KAT6B: variants seen among roughly 807,000 people sequenced by gnomAD.
KAT6B encodes the protein lysine acetyltransferase 6B.
In KAT6B, 10 loss-of-function variants were observed where a neutral mutation model predicts 187.5. That is an observed-to-expected ratio of 0.05 (90% CI 0.03 to 0.09). The LOEUF is 0.09. Ranked by LOEUF, KAT6B falls within the 10% of genes least tolerant of loss-of-function variation. The probability of loss-of-function intolerance (pLI) is 1.00; values close to 1 mark genes in which losing one functional copy is unlikely to be tolerated. For synonymous variants in KAT6B, 861 were observed against 926.8 expected (o/e 0.93, Z 1.29); for missense variants, 1,952 against 2,558.9 (o/e 0.76, Z 5.12).
chr10:74,934,111 G>A (rs908738956), intron 3 of KAT6B, among the ~76,000 whole-genome samples: 11 of 150,784 alleles, frequency 7.3e-5, no homozygotes, highest in Middle Eastern at 3.2e-3. Flanking sequence ...GCTTGAACCT[G>A]GGAGGCGGAG....
intron 3 of KAT6B, among the ~76,000 whole-genome samples, chr10:74,955,649 A>T (rs1057441725): frequency 6.6e-6 from 1 of 151,988 alleles, no homozygotes; most frequent in Non-Finnish European, 1.5e-5. Context: ...ATTTCAACAT[A>T]AAGACATCAT....
chr10:74,866,817 A>G (rs955520587), intron 3 of KAT6B, among the ~76,000 whole-genome samples: 2 of 152,190 alleles, frequency 1.3e-5, no homozygotes, highest in Admixed American at 6.5e-5. Context: ...CTTAATGGGA[A>G]GGTATGAAAG....
Position 74,885,248 on chromosome 10 carries a change from A to AT in KAT6B, c.621+41774dup, listed in dbSNP as rs1309064719. Among the ~76,000 whole-genome samples, 5 of 151,458 alleles carry AT rather than the reference A, an allele frequency of 3.3e-5. No individual in the cohort carries two copies. In the East Asian group the frequency reaches 7.9e-4, roughly 24 times the overall value. Reference sequence around the variant, plus strand: ...ATACCTGGCTAATTAAAAAAAAAAAATTTTGTAGATATGGGGTCTCTCTAT... The same window carrying AT: ...ATACCTGGCTAATTAAAAAAAAAAAATTTTTGTAGATATGGGGTCTCTCTAT... On this transcript the variant is annotated intron_variant, in intron 3 of 17. Coordinates refer to ENST00000287239, the MANE Select transcript of KAT6B (RefSeq NM_012330.4).
At chr10:74,876,806 G>A (rs1844447689) in intron 3 of KAT6B, among the ~76,000 whole-genome samples, 1 of 151,822 alleles carries the variant, frequency 6.6e-6, no homozygotes, top group Admixed American at 6.6e-5. Context: ...TCAGCTACTC[G>A]GGAGGCTGAG....
chr10:74,911,254 TTAGTC>T (rs1464997110), intron 3 of KAT6B, among the ~76,000 whole-genome samples: 2 of 151,978 alleles, frequency 1.3e-5, no homozygotes, highest in Non-Finnish European at 2.9e-5. Context: ...ACTTTAAACC[TTAGTC>T]TACTTTCTTT....
Position 75,030,757 on chromosome 10 carries a change from A to G in KAT6B, c.5933A>G (p.Asn1978Ser), listed in dbSNP as rs747675518. The G allele has an allele frequency of 1.4e-5, 23 of 1,614,044 alleles. No homozygotes were observed. The highest frequency in any genetic ancestry group is 8.8e-5 in the South Asian group (8 of 91,086). Reference sequence around the variant, plus strand: ...AACCTGATGCCAGCGCCAGCCTACAATGTCAACTCTGTGAACATGAACATG... The same window carrying G: ...AACCTGATGCCAGCGCCAGCCTACAGTGTCAACTCTGTGAACATGAACATG... ...SVNLMPAPAY[N>S]VNSVNMNMNT... Residue 1978 changes from asparagine to serine, a missense_variant, in exon 18 of 18, where the codon AAT becomes AGT. By Grantham distance (46) the Asn-to-Ser change is conservative. This residue lies in a region of KAT6B where 358 missense variants were observed against 436.3 expected (regional missense o/e 0.82). Transcript: ENST00000287239. The surrounding 1 kb of genome is among the most constrained non-coding windows in gnomAD (Gnocchi z 4.8).
intron 3 of KAT6B, among the ~76,000 whole-genome samples, chr10:74,888,059 C>T (rs937278040): frequency 5.9e-5 from 9 of 152,176 alleles, no homozygotes; most frequent in African/African-American, 1.7e-4. Context: ...CTGACACCTG[C>T]CTCTTTCAGA....
intron 10 of KAT6B, among the ~76,000 whole-genome samples, chr10:74,980,394 G>A (rs984826584): frequency 6.6e-6 from 1 of 151,780 alleles, no homozygotes; most frequent in Non-Finnish European, 1.5e-5. Context: ...TTTTTCGTTA[G>A]CATGTGAGTG....
chr10:74,978,232 C>T (rs1229262401), intron 9 of KAT6B, among the ~76,000 whole-genome samples: 1 of 152,200 alleles, frequency 6.6e-6, no homozygotes, highest in Admixed American at 6.5e-5. Flanking sequence ...ATTTCCAACC[C>T]TCATTCTGCC....
chr10:74,915,925 G>C (rs543057536), intron 3 of KAT6B, among the ~76,000 whole-genome samples: 1 of 152,264 alleles, frequency 6.6e-6, no homozygotes, highest in East Asian at 1.9e-4. Context: ...CCAGCTCTTT[G>C]GGAGGCCAAG....
intron 9 of KAT6B, among the ~76,000 whole-genome samples, chr10:74,978,365 T>C (rs1345987199): frequency 6.6e-6 from 1 of 152,182 alleles, no homozygotes; most frequent in African/African-American, 2.4e-5. Context: ...AGGTCAAAAC[T>C]CCTACGTTGA....
chr10:74,921,436 A>T (rs189763329), intron 3 of KAT6B, among the ~76,000 whole-genome samples: 6 of 152,228 alleles, frequency 3.9e-5, no homozygotes, highest in African/African-American at 1.4e-4. Context: ...TAAAGTATAG[A>T]TGTTTTTAAA....
At chr10:74,979,104 G>A (rs1014558893) in intron 9 of KAT6B, 120 bp from the exon 10 acceptor site, 3 of 717,150 alleles carry the variant, frequency 4.2e-6, no homozygotes, top group Non-Finnish European at 4.9e-6. Context: ...TTAAGGCCAT[G>A]CAAATTCACA....
chr10:74,909,038 T>C (rs1847002113), intron 3 of KAT6B, among the ~76,000 whole-genome samples: 1 of 152,148 alleles, frequency 6.6e-6, no homozygotes, highest in Non-Finnish European at 1.5e-5. Flanking sequence ...ACATGAGAAA[T>C]CTGAAAAGTA....
chr10:75,025,359 G>A, intron 17 of KAT6B, 110 bp downstream of exon 17: 1 of 1,051,014 alleles, frequency 9.5e-7, no homozygotes, highest in Non-Finnish European at 1.4e-6. Context: ...AAGTGGTGCT[G>A]ATGCACCTGG....
intron 17 of KAT6B, among the ~76,000 whole-genome samples, chr10:75,026,644 C>A (rs61862640): frequency 2.0e-5 from 3 of 150,726 alleles, no homozygotes; most frequent in Admixed American, 6.6e-5. Flanking sequence ...TTTTTTTAAA[C>A]AAATAACAAA....
intron 3 of KAT6B, among the ~76,000 whole-genome samples, chr10:74,890,747 C>T (rs1845592361): frequency 6.6e-6 from 1 of 152,150 alleles, no homozygotes; most frequent in African/African-American, 2.4e-5. Context: ...TACATTTAAT[C>T]TTTTGGTTAC....
At chr10:74,866,624 G>A (rs957601535) in intron 3 of KAT6B, among the ~76,000 whole-genome samples, 1 of 152,050 alleles carries the variant, frequency 6.6e-6, no homozygotes, top group Non-Finnish European at 1.5e-5. Flanking sequence ...ATTGTAAGTG[G>A]AAAACAAGCA....
chr10:74,837,901 G>A (rs1841427544), intron 1 of KAT6B, among the ~76,000 whole-genome samples: 2 of 150,124 alleles, frequency 1.3e-5, no homozygotes, highest in African/African-American at 2.5e-5. Flanking sequence ...GAGCTGCTGA[G>A]TTACATCTGC....
Sources: gnomAD v4.1 joint callset for allele counts (sites outside exome capture counted in the v4.1 genomes callset) on GRCh38, gnomAD v4.1.1 for gene constraint, gnomAD v4.1.1 regional missense constraint, Gnocchi (gnomAD v3.1) non-coding constraint, MANE v1.5 for transcripts, NCBI Gene and HGNC (gene_info 2026-07-23, HGNC 2026-07-21) for gene names.